PHACTR2: variants seen among roughly 807,000 people sequenced by gnomAD.
The protein encoded by PHACTR2 is phosphatase and actin regulator 2.
Under a neutral mutation model 76.0 loss-of-function variants are expected in PHACTR2, and 30 were observed. The observed-to-expected ratio is 0.39, with a 90% CI of 0.30 to 0.54. PHACTR2 has a LOEUF of 0.54. PHACTR2 is among the 20% of genes least tolerant of loss of function. PHACTR2 has a pLI of 0.61. For missense variants in PHACTR2, 696 were observed against 781.1 expected, an observed-to-expected ratio of 0.89 and a Z score of 1.30; for synonymous variants, 292 against 292.5, an observed-to-expected ratio of 1.00 and a Z score of 0.02.
intron 11 of PHACTR2, among the ~76,000 whole-genome samples, chr6:143,796,302 A>G (rs1157557848): frequency 6.6e-6 from 1 of 152,232 alleles, no homozygotes; most frequent in African/African-American, 2.4e-5. Context: ...AAGGATATCA[A>G]AATGGCAATT....
In PHACTR2 at chr6:143,547,241, A is replaced by G. The variant is rs1335564116; in HGVS notation, c.217+10034A>G. On this transcript the variant is annotated intron_variant, in intron 1 of 11. Coordinates refer to the PHACTR2 transcript ENST00000367584. The surrounding 1 kb of genome is among the most constrained non-coding windows in gnomAD (Gnocchi z 4.2). Reference sequence around the variant, plus strand: ...ATCCTCTTGCCCTAACTATACCTCAATTGTAGCTCTTTCTAAAAATCATGT... The same window carrying G: ...ATCCTCTTGCCCTAACTATACCTCAGTTGTAGCTCTTTCTAAAAATCATGT... Among the ~76,000 whole-genome samples the G allele has an allele frequency of 2.0e-5, 3 of 152,316 alleles. No homozygotes were observed. Among genetic ancestry groups the G allele is most frequent in the East Asian group, 1.9e-4 (1 of 5,182 alleles).
intron 1 of PHACTR2, among the ~76,000 whole-genome samples, chr6:143,569,607 A>T (rs971951428): frequency 6.6e-6 from 1 of 152,184 alleles, no homozygotes; most frequent in Admixed American, 6.5e-5. Context: ...CATATTTTCC[A>T]AACTGTGGCC....
At chr6:143,728,495 T>C (rs1778628644) in intron 2 of PHACTR2, among the ~76,000 whole-genome samples, 2 of 152,120 alleles carry the variant, frequency 1.3e-5, no homozygotes, top group South Asian at 4.1e-4. Context: ...TAGAAAAATT[T>C]GTATGGAACT....
intron 1 of PHACTR2, among the ~76,000 whole-genome samples, chr6:143,693,209 C>T (rs536925059): frequency 6.6e-6 from 1 of 151,544 alleles, no homozygotes; most frequent in Non-Finnish European, 1.5e-5. Context: ...CACAATTCAG[C>T]CCATAGTAGT....
At chr6:143,808,770 T>C (rs1776115562) in intron 12 of PHACTR2, among the ~76,000 whole-genome samples, 1 of 152,198 alleles carries the variant, frequency 6.6e-6, no homozygotes, top group South Asian at 2.1e-4. Context: ...CGTTCCAACA[T>C]CCTGAATGGA....
rs1036410532 is a variant in PHACTR2, at chr6:143,553,710, G to T, written c.217+16503G>T. Among the ~76,000 whole-genome samples the T allele has an allele frequency of 1.3e-5, 2 of 152,192 alleles. No individual in the cohort carries two copies. Among genetic ancestry groups the T allele is most frequent in the African/African-American group, 4.8e-5 (2 of 41,442 alleles). On this transcript the variant is annotated intron_variant, in intron 1 of 11. Transcript: ENST00000367584. The surrounding 1 kb of genome is among the most constrained non-coding windows in gnomAD (Gnocchi z 4.2). Reference sequence around the variant, plus strand: ...GCCTAGTTGAGAAGAGGGCTCAGGGGAGCTGACTAGAGTTTGATCAAGAAA... The same window carrying T: ...GCCTAGTTGAGAAGAGGGCTCAGGGTAGCTGACTAGAGTTTGATCAAGAAA...
rs1776303689 is a variant in PHACTR2 at position 143,628,791 on chromosome 6, C to A, written c.13+20469C>A. On this transcript the variant is annotated intron_variant, in intron 1 of 11. Coordinates refer to the PHACTR2 transcript ENST00000305766. ...AGAGGGAGATCATTGTTTACCCTAC[C>A]CATGGTCTTTCTCACTTGAGCAAAG... Among the ~76,000 whole-genome samples the A allele has an allele frequency of 5.9e-5, 9 of 151,636 alleles. No individual in the cohort carries two copies. The South Asian group carries it at 1.9e-3, about 32-fold the overall frequency.
At position 143,541,140 on chromosome 6, in the gene PHACTR2, TC is replaced by T. The variant is rs1333976841; in HGVS notation, c.217+3934del. On this transcript the variant is annotated intron_variant, in intron 1 of 11. Transcript: ENST00000367584. This position sits in a 1 kb window ranked among gnomAD's most constrained non-coding sequence, Gnocchi z 5.3. ...CTTTGTAAATAAAGTGATGTTTAAC[TC>T]AATTTTTAAAGTAAAATCTTGAAAC... 2.6e-5 allele frequency among the ~76,000 whole-genome samples: 4 copies of T among 152,266 alleles called. No individual in the cohort carries two copies. Among genetic ancestry groups the T allele is most frequent in the African/African-American group, 9.6e-5 (4 of 41,472 alleles).
At chr6:143,763,449 G>A (rs1364507639) in intron 5 of PHACTR2, among the ~76,000 whole-genome samples, 1 of 152,170 alleles carries the variant, frequency 6.6e-6, no homozygotes, top group Non-Finnish European at 1.5e-5. Context: ...GAAAATAATT[G>A]AACATGGTTA....
At chr6:143,725,601 G>T (rs572515936) in intron 2 of PHACTR2, among the ~76,000 whole-genome samples, 115 of 151,716 alleles carry the variant, frequency 7.6e-4, no homozygotes, top group Middle Eastern at 3.4e-3. Flanking sequence ...AATGTCATAG[G>T]CTGGGCAGGT....
At position 143,547,725 on chromosome 6, in the gene PHACTR2, G is replaced by A. The variant is rs1775028161; in HGVS notation, c.217+10518G>A. ...GTTTGTCTATTTGTTAACAAGAGCA[G>A]CCATTAACCGGGAAGGAGAGTGTGG... is the stretch of plus-strand genomic sequence containing the variant. On this transcript the variant is annotated intron_variant, in intron 1 of 11. Coordinates refer to the PHACTR2 transcript ENST00000367584. This position sits in a 1 kb window ranked among gnomAD's most constrained non-coding sequence, Gnocchi z 4.2. Among the ~76,000 whole-genome samples, 1 of 152,224 alleles carries A rather than the reference G, an allele frequency of 6.6e-6. No homozygotes were observed. The highest frequency in any genetic ancestry group is 6.5e-5 in the Admixed American group (1 of 15,288).
At position 143,617,413 on chromosome 6, in the gene PHACTR2, C is replaced by T. The variant is rs998048344; in HGVS notation, c.13+9091C>T. On this transcript the variant is annotated intron_variant, in intron 1 of 11. Coordinates refer to the PHACTR2 transcript ENST00000305766. This position sits in a 1 kb window ranked among gnomAD's most constrained non-coding sequence, Gnocchi z 4.8. ...ATGTCTTCCAAAGAGTTAGAGTGGTCATTCTCAACTCTAGCTACTCATTAG... is the reference window on the plus strand; with the variant it reads ...ATGTCTTCCAAAGAGTTAGAGTGGTTATTCTCAACTCTAGCTACTCATTAG... Among the ~76,000 whole-genome samples, 2 of 152,176 alleles carry T rather than the reference C, an allele frequency of 1.3e-5. No homozygotes were observed. Among genetic ancestry groups the T allele is most frequent in the African/African-American group, 2.4e-5 (1 of 41,430 alleles).
intron 1 of PHACTR2, among the ~76,000 whole-genome samples, chr6:143,630,052 A>C (rs1018437363): frequency 6.6e-6 from 1 of 152,002 alleles, no homozygotes; most frequent in African/African-American, 2.4e-5. Context: ...TGTGACAAGA[A>C]GAAGATGAAA....
In PHACTR2 at chr6:143,559,690, C is replaced by CTTTTTT. The variant is rs5880566; in HGVS notation, c.217+22514_217+22519dup. Among the ~76,000 whole-genome samples, 26 of 31,902 alleles carry CTTTTTT rather than the reference C, an allele frequency of 8.1e-4. 4 individuals are homozygous for CTTTTTT. The highest frequency in any genetic ancestry group is 1.8e-3 in the African/African-American group (14 of 7,882). 20.9% of individuals were successfully genotyped at this position (31,902 alleles called of 152,430 possible). A position where few individuals can be genotyped will look rare whatever the true frequency, so the allele number is the denominator to read the frequency against. On this transcript the variant is annotated intron_variant, in intron 1 of 11. Transcript: ENST00000367584. ...TAAAAATACCAGTGATTTTTCTTTT[C>CTTTTTT]TTTTTTTTTTTTTTTTTTTTTTTTT...
At position 143,820,048 on chromosome 6, in the gene PHACTR2, C is replaced by A. The variant is rs1408067085; in HGVS notation, c.1923-3626C>A. 1.3e-5 allele frequency among the ~76,000 whole-genome samples: 2 copies of A among 151,846 alleles called. No individual in the cohort carries two copies. Among genetic ancestry groups the A allele is most frequent in the Non-Finnish European group, 2.9e-5 (2 of 67,970 alleles). ...GGGAGAAAGAGTGGAGGAGAAGTGC[C>A]CCACACTTTTAAACCAGACCTCGTG... On this transcript the variant is annotated intron_variant, in intron 12 of 12. Coordinates refer to ENST00000440869, the MANE Select transcript of PHACTR2 (RefSeq NM_001100164.2). This position sits in a 1 kb window ranked among gnomAD's most constrained non-coding sequence, Gnocchi z 4.2.
At position 143,596,380 on chromosome 6, in the gene PHACTR2, A is replaced by G. The variant is rs1775756891; in HGVS notation, c.217+59173A>G. On this transcript the variant is annotated intron_variant, in intron 1 of 11. Transcript: ENST00000367584. This position sits in a 1 kb window ranked among gnomAD's most constrained non-coding sequence, Gnocchi z 4.6. ...GATCTTGTTATTGAGGCTCACATTT[A>G]CCTGAACTGCATTAAGAGAGAGACA... Among the ~76,000 whole-genome samples the G allele has an allele frequency of 6.6e-6, 1 of 151,838 alleles. No homozygotes were observed. The highest frequency in any genetic ancestry group is 1.5e-5 in the Non-Finnish European group (1 of 67,938).
chr6:143,629,615 A>G (rs1012149985), intron 1 of PHACTR2, among the ~76,000 whole-genome samples: 21 of 152,130 alleles, frequency 1.4e-4, no homozygotes, highest in African/African-American at 4.8e-4. Context: ...GAGTATGAGT[A>G]TGCTCCACCG....
Position 143,700,036 on chromosome 6 carries a change from G to A in PHACTR2, c.47-11980G>A, listed in dbSNP as rs11967551. ...TGGCCACGGTCTCTCCACAGATACC[G>A]GCCTTGGGGACCCTGTATGACTGCC... On this transcript the variant is annotated intron_variant, in intron 1 of 12. Transcript: ENST00000440869. The surrounding 1 kb of genome is among the most constrained non-coding windows in gnomAD (Gnocchi z 4.1). Among the ~76,000 whole-genome samples the A allele has an allele frequency of 0.017, 2,647 of 152,180 alleles. 56 individuals are homozygous for A. The highest frequency in any genetic ancestry group is 0.06 in the African/African-American group (2,485 of 41,504).
chr6:143,768,309 G>T (rs1016888249), intron 6 of PHACTR2, among the ~76,000 whole-genome samples: 2 of 152,098 alleles, frequency 1.3e-5, no homozygotes, highest in African/African-American at 2.4e-5. Context: ...TATATTTTTT[G>T]ATTGCCTTTT....
Sources: gnomAD v4.1 joint callset for allele counts (sites outside exome capture counted in the v4.1 genomes callset) on GRCh38, gnomAD v4.1.1 for gene constraint, Gnocchi (gnomAD v3.1) non-coding constraint, MANE v1.5 for transcripts, NCBI Gene and HGNC (gene_info 2026-07-23, HGNC 2026-07-21) for gene names.